UBE3C: variants seen among roughly 807,000 people sequenced by gnomAD.
The protein encoded by UBE3C is ubiquitin-protein ligase E3C.
In UBE3C, 42 loss-of-function variants were observed where a neutral mutation model predicts 129.4. The ratio of observed to expected loss-of-function variants is 0.32; its 90% CI spans 0.25 to 0.42. The LOEUF (loss-of-function observed/expected upper bound fraction) is 0.42, where lower values mean the gene tolerates loss of function less well. Among genes scored for constraint, UBE3C ranks in the 10% least tolerant of loss-of-function variants. The pLI is 1.00. For synonymous variants in UBE3C, 510 were observed against 492.4 expected, an observed-to-expected ratio of 1.04 and a Z score of -0.47; for missense variants, 1,049 against 1,319.1, an observed-to-expected ratio of 0.80 and a Z score of 3.17.
At chr7:157,215,430 A>G (rs570131864) in intron 13 of UBE3C, among the ~76,000 whole-genome samples, 30 of 150,144 alleles carry the variant, frequency 2.0e-4, no homozygotes, top group African/African-American at 7.0e-4. Flanking sequence ...TGATCTTTAT[A>G]ATGTATAATA....
intron 21 of UBE3C, among the ~76,000 whole-genome samples, chr7:157,255,322 G>T (rs1206049473): frequency 1.3e-5 from 2 of 152,228 alleles, no homozygotes; most frequent in Non-Finnish European, 2.9e-5. Context: ...GCAAGTGAGA[G>T]CTTTTTGAGG....
chr7:157,207,890 A>T lies in UBE3C; in HGVS notation c.1764A>T (p.Gln588His), dbSNP rs1809477936. The T allele has an allele frequency of 6.2e-7, 1 of 1,611,958 alleles. No individual in the cohort carries two copies. The highest frequency in any genetic ancestry group is 8.5e-7 in the Non-Finnish European group (1 of 1,179,212). Residue 588 changes from glutamine to histidine, a missense_variant, in exon 13 of 23, where the codon CAA becomes CAT. Transcript: ENST00000348165. ...SIGVTTSSEM[Q>H]QCIQMEQKRW... is the part of the protein sequence containing the mutation. Reference sequence around the variant, plus strand: ...GAGTTACTACTAGCTCTGAAATGCAACAATGCATACAGATGGAACAGAAAA... The same window carrying T: ...GAGTTACTACTAGCTCTGAAATGCATCAATGCATACAGATGGAACAGAAAA...
chr7:157,215,399 A>G (rs1227352349), intron 13 of UBE3C, among the ~76,000 whole-genome samples: 1 of 151,266 alleles, frequency 6.6e-6, no homozygotes, highest in Admixed American at 6.6e-5. Flanking sequence ...TTTTAAAGGG[A>G]AATCTCAACA....
At chr7:157,148,406 A>G (rs1807664835) in intron 1 of UBE3C, among the ~76,000 whole-genome samples, 2 of 152,070 alleles carry the variant, frequency 1.3e-5, no homozygotes, top group Admixed American at 6.6e-5. Flanking sequence ...CTTGGCCTCA[A>G]TTACTCTAGT....
At chr7:157,190,264 C>G (rs559649629) in intron 10 of UBE3C, among the ~76,000 whole-genome samples, 3 of 152,254 alleles carry the variant, frequency 2.0e-5, no homozygotes, top group Non-Finnish European at 4.4e-5. Flanking sequence ...GGGACCTCTC[C>G]TCTGTCCCCT....
intron 2 of UBE3C, among the ~76,000 whole-genome samples, chr7:157,165,245 C>T (rs78452976): frequency 0.019 from 2,884 of 152,172 alleles, 41 homozygotes; most frequent in Non-Finnish European, 0.029. Flanking sequence ...CCTACTTGGA[C>T]GCAAACTGTA....
chr7:157,152,259 G>T (rs1488409487), intron 1 of UBE3C, among the ~76,000 whole-genome samples: 1 of 152,124 alleles, frequency 6.6e-6, no homozygotes, highest in African/African-American at 2.4e-5. Flanking sequence ...ATTAGGGACA[G>T]AGCTGGGGAG....
At chr7:157,195,683 C>G (rs1809099202) in intron 10 of UBE3C, among the ~76,000 whole-genome samples, 1 of 152,156 alleles carries the variant, frequency 6.6e-6, no homozygotes, top group African/African-American at 2.4e-5. Flanking sequence ...GAAATCACAC[C>G]CAGATCCTCT....
At chr7:157,220,978 T>G (rs1795721943) in intron 15 of UBE3C, 2 of 525,420 alleles carry the variant, frequency 3.8e-6, no homozygotes, top group South Asian at 4.5e-5. Flanking sequence ...CACCCATTTC[T>G]GTTTTGTCCT....
chr7:157,181,279 C>T (rs1162365240), intron 6 of UBE3C, among the ~76,000 whole-genome samples: 1 of 152,124 alleles, frequency 6.6e-6, no homozygotes, highest in Non-Finnish European at 1.5e-5. Flanking sequence ...CTTAGACTTC[C>T]TTCCAAATGA....
At chr7:157,145,288 A>T (rs1190501049) in intron 1 of UBE3C, among the ~76,000 whole-genome samples, 1 of 151,386 alleles carries the variant, frequency 6.6e-6, no homozygotes, top group Non-Finnish European at 1.5e-5. Flanking sequence ...AAGGCCAAGG[A>T]GGGTGTATCA....
At chr7:157,240,673 G>T (rs769180782) in intron 18 of UBE3C, among the ~76,000 whole-genome samples, 1 of 152,182 alleles carries the variant, frequency 6.6e-6, no homozygotes, top group Non-Finnish European at 1.5e-5. Flanking sequence ...GCTGTTTAGA[G>T]AGGAAATTAA....
At chr7:157,249,271 C>T (rs2116683172) in intron 19 of UBE3C, among the ~76,000 whole-genome samples, 2 of 152,212 alleles carry the variant, frequency 1.3e-5, no homozygotes, top group Middle Eastern at 6.8e-3. Context: ...GCCACCAGTC[C>T]ACTCTGTCTC....
chr7:157,247,413 C>G (rs375868628), intron 18 of UBE3C, among the ~76,000 whole-genome samples: 1 of 152,138 alleles, frequency 6.6e-6, no homozygotes, highest in African/African-American at 2.4e-5. Context: ...AACTTTTGGC[C>G]GGGCAGGATG....
intron 18 of UBE3C, among the ~76,000 whole-genome samples, chr7:157,232,804 G>C (rs1029795661): frequency 1.3e-5 from 2 of 152,172 alleles, no homozygotes; most frequent in Non-Finnish European, 2.9e-5. Context: ...GCATGGAGTC[G>C]CCTGTTTTGA....
intron 22 of UBE3C, among the ~76,000 whole-genome samples, chr7:157,264,246 C>A (rs1340167952): frequency 6.7e-6 from 1 of 149,288 alleles, no homozygotes; most frequent in Non-Finnish European, 1.5e-5. Flanking sequence ...GTTACACACA[C>A]ACACACACAC....
intron 1 of UBE3C, among the ~76,000 whole-genome samples, chr7:157,155,680 C>G (rs1807883747): frequency 6.6e-6 from 1 of 152,166 alleles, no homozygotes; most frequent in Admixed American, 6.5e-5. Context: ...CATTTTCCCC[C>G]CATTTGAAAT....
At chr7:157,264,412 C>G in intron 22 of UBE3C, among the ~76,000 whole-genome samples, 1 of 41,446 alleles carries the variant, frequency 2.4e-5, no homozygotes, top group Non-Finnish European at 1.1e-4. Context: ...CTGTTACACA[C>G]ACACACACAC....
At chr7:157,156,025 A>G (rs1807893189) in intron 1 of UBE3C, among the ~76,000 whole-genome samples, 1 of 152,224 alleles carries the variant, frequency 6.6e-6, no homozygotes, top group East Asian at 1.9e-4. Flanking sequence ...AATTGAAACC[A>G]AAAACTTGTT....
Sources: gnomAD v4.1 joint callset for allele counts (sites outside exome capture counted in the v4.1 genomes callset) on GRCh38, gnomAD v4.1.1 for gene constraint, MANE v1.5 for transcripts, NCBI Gene and HGNC (gene_info 2026-07-23, HGNC 2026-07-21) for gene names.